The following CIT variants were observed in gnomAD, a reference collection of about 807,000 sequenced individuals.
CIT encodes the protein citron rho-interacting serine/threonine kinase.
Under a neutral mutation model 272.7 loss-of-function variants are expected in CIT, and 79 were observed. The observed-to-expected ratio is 0.29, with a 90% CI of 0.24 to 0.35. CIT has a LOEUF of 0.35. Among genes scored for constraint, CIT ranks in the 10% least tolerant of loss-of-function variants. CIT has a pLI of 1.00. For synonymous variants in CIT, 948 were observed against 995.6 expected, an observed-to-expected ratio of 0.95 and a Z score of 0.90; for missense variants, 1,909 against 2,618.3, an observed-to-expected ratio of 0.73 and a Z score of 5.91.
At chr12:119,800,225 A>G (rs901445883) in intron 10 of CIT, among the ~76,000 whole-genome samples, 1 of 152,160 alleles carries the variant, frequency 6.6e-6, no homozygotes, top group African/African-American at 2.4e-5. Context: ...GTTAAAAAGG[A>G]AAAGAAGCAT....
chr12:119,858,378 G>A (rs1343287009), intron 3 of CIT, among the ~76,000 whole-genome samples: 2 of 152,160 alleles, frequency 1.3e-5, no homozygotes, highest in East Asian at 3.9e-4. Flanking sequence ...TTAGCCAGGT[G>A]TTGTGGTGCA....
At chr12:119,760,247 A>G (rs906737891) in intron 20 of CIT, among the ~76,000 whole-genome samples, 15 of 152,068 alleles carry the variant, frequency 9.9e-5, no homozygotes, top group African/African-American at 3.6e-4. Context: ...AGTGCAGATA[A>G]ATAAGCACCA....
Position 119,688,252 on chromosome 12 carries a change from A to G in CIT, c.6190T>C (p.Trp2064Arg). ...RTPLSQVNKV[W>R]DQSSV ...GAGATTTATACTGAAGACTGGTCCC[A>G]GACCTAGGAGTGAAATAAGGAGGAG... is the stretch of plus-strand genomic sequence containing the variant. Residue 2064 changes from tryptophan to arginine, a missense_variant, in exon 48 of 48, where the codon TGG (tryptophan) becomes CGG (arginine). Physicochemically the swap from Trp to Arg is moderately radical, Grantham distance 101 (BLOSUM62 -3). Transcript: ENST00000392521. The G allele has an allele frequency of 6.2e-7, 1 of 1,603,936 alleles. No homozygotes were observed. Among genetic ancestry groups the G allele is most frequent in the African/African-American group, 1.4e-5 (1 of 69,352 alleles).
intron 28 of CIT, among the ~76,000 whole-genome samples, chr12:119,722,855 T>C (rs1445331300): frequency 1.3e-5 from 2 of 152,136 alleles, no homozygotes; most frequent in Admixed American, 6.5e-5. Flanking sequence ...CCCGTCTGCC[T>C]TTCCCTAACA....
In CIT at chr12:119,757,354, T is replaced by A. The variant is rs779123743; in HGVS notation, c.2706+17A>T. 19 of 1,613,014 alleles carry A rather than the reference T, an allele frequency of 1.2e-5. 1 individual carries two copies. In the Middle Eastern group the frequency reaches 5.4e-4, roughly 46 times the overall value. ...TCGCCCAGCAAATCCTCCCAGGAGA[T>A]GACTCCTCGCTCTCACCTCCCGCAA... On this transcript the variant is annotated intron_variant, in intron 22 of 47. Transcript: ENST00000392521.
At chr12:119,836,372 C>T (rs1969019066) in intron 5 of CIT, among the ~76,000 whole-genome samples, 1 of 151,202 alleles carries the variant, frequency 6.6e-6, no homozygotes, top group Non-Finnish European at 1.5e-5. Flanking sequence ...ACCTTCTTTC[C>T]CCCAAGTTCC....
At chr12:119,875,033 G>A (rs556749017) in intron 2 of CIT, among the ~76,000 whole-genome samples, 1 of 152,222 alleles carries the variant, frequency 6.6e-6, no homozygotes, top group Non-Finnish European at 1.5e-5. Flanking sequence ...CCTGGTACAG[G>A]GGCTTATGCC....
intron 23 of CIT, among the ~76,000 whole-genome samples, chr12:119,745,391 A>AC (rs1555231372): frequency 1.4e-5 from 2 of 145,400 alleles, no homozygotes; most frequent in African/African-American, 5.0e-5. Flanking sequence ...AAAAAAAAAA[A>AC]AAAAAAACAC....
chr12:119,820,584 T>C (rs1967616404), intron 9 of CIT, among the ~76,000 whole-genome samples: 3 of 151,966 alleles, frequency 2.0e-5, no homozygotes, highest in Admixed American at 6.6e-5. Context: ...AGAGTTAACG[T>C]TGGGGAAAAC....
At chr12:119,788,540 G>A (rs1965009075) in intron 10 of CIT, among the ~76,000 whole-genome samples, 1 of 152,142 alleles carries the variant, frequency 6.6e-6, no homozygotes, top group African/African-American at 2.4e-5. Flanking sequence ...CGATGACATG[G>A]GTGCATGATG....
Position 119,704,579 on chromosome 12 carries a change from G to T in CIT, c.5212-124C>A. On this transcript the variant is annotated intron_variant, in intron 40 of 47. Transcript: ENST00000392521. ...TCAGACCAGATCATTCTGTGTGGTGGGGGGAGGGCTGTCCTGGGCATCGCA... is the reference window on the plus strand; with the variant it reads ...TCAGACCAGATCATTCTGTGTGGTGTGGGGAGGGCTGTCCTGGGCATCGCA... The T allele has an allele frequency of 6.1e-6, 5 of 820,580 alleles. 1 individual carries two copies. Among genetic ancestry groups the T allele is most frequent in the Non-Finnish European group, 9.9e-6 (5 of 507,458 alleles). The allele number at this position is 820,580 out of a possible 1,614,324, so 50.8% of individuals were successfully genotyped here.
intron 12 of CIT, 178 bp downstream of exon 12, chr12:119,783,730 G>A (rs1313611304): frequency 3.1e-6 from 2 of 654,800 alleles, no homozygotes; most frequent in Non-Finnish European, 4.9e-6. Context: ...CATTTCTTGG[G>A]GACCTTACGC....
chr12:119,746,267 T>C lies in CIT; in HGVS notation c.2905-3803A>G, dbSNP rs78039149. On this transcript the variant is annotated intron_variant, in intron 23 of 47. Transcript: ENST00000392521. ...AAATTTCCTTAAAATTTCCAGAGTATCCAGTCTTGGTTAGAACTACTTAAC... is the reference window on the plus strand; with the variant it reads ...AAATTTCCTTAAAATTTCCAGAGTACCCAGTCTTGGTTAGAACTACTTAAC... Among the ~76,000 whole-genome samples, 1,243 of 152,278 alleles carry C rather than the reference T, an allele frequency of 8.2e-3. 14 individuals carry two copies. Among genetic ancestry groups the C allele is most frequent in the African/African-American group, 0.028 (1,154 of 41,562 alleles).
rs1214041632 is a variant in CIT, at chr12:119,784,631, C to T, written c.1401+329G>A. ...GACTAGGAAGAGAGACTTCGCATCA[C>T]TCAAAGCAGATGGGATGTATCTCAG... On this transcript the variant is annotated intron_variant, in intron 11 of 47. Transcript: ENST00000392521. This position sits in a 1 kb window ranked among gnomAD's most constrained non-coding sequence, Gnocchi z 4.7. The T allele has an allele frequency of 8.1e-7, 1 of 1,229,678 alleles. No homozygotes were observed. The highest frequency in any genetic ancestry group is 4.0e-5 in the Admixed American group (1 of 25,232). The allele number at this position is 1,229,678 out of a possible 1,614,324, so 76.2% of individuals were successfully genotyped here. A position where few individuals can be genotyped will look rare whatever the true frequency, so the allele number is the denominator to read the frequency against.
rs1465701956 is a variant in CIT, at chr12:119,704,396, G to A, written c.5271C>T (p.Tyr1757=). 9 of 1,613,880 alleles carry A rather than the reference G, an allele frequency of 5.6e-6. No homozygotes were observed. The highest frequency in any genetic ancestry group is 1.7e-5 in the Admixed American group (1 of 59,994). The part of the protein sequence containing the change: ...AMPSKVVILR[Y]NENLSKYCIR... The stretch of plus-strand genomic sequence containing the variant: ...TGCAGTATTTGCTGAGGTTTTCGTT[G>A]TAGCGGAGAATGACGACTTTGCTGG... The change falls in exon 41 of 48, where the codon TAC becomes TAT. Residue 1757 remains tyrosine (Y), a synonymous_variant. Transcript: ENST00000392521.
At chr12:119,803,461 G>A in intron 9 of CIT, 72 bp from the exon 10 acceptor site, 1 of 1,160,162 alleles carries the variant, frequency 8.6e-7, no homozygotes, top group Non-Finnish European at 1.2e-6. Context: ...CTGTTGCGGA[G>A]AAGATCGTCT....
Position 119,772,863 on chromosome 12 carries a change from G to A in CIT, c.1989C>T (p.Arg663=), listed in dbSNP as rs1436292841. 6.2e-7 allele frequency: 1 copy of A among 1,613,944 alleles called. No individual in the cohort carries two copies. Among genetic ancestry groups the A allele is most frequent in the African/African-American group, 1.3e-5 (1 of 74,902 alleles). Reference sequence around the variant, plus strand: ...CCCTCTCGGCTCGCTCCTTTGCCTGGCGGATATTCTGCAGCAGCTCGGTGG... The same window carrying A: ...CCCTCTCGGCTCGCTCCTTTGCCTGACGGATATTCTGCAGCAGCTCGGTGG... The part of the protein sequence containing the change: ...TEATELLQNI[R]QAKERAEREL... The change falls in exon 17 of 48, where the codon CGC becomes CGT. Residue 663 remains arginine (R), a synonymous_variant. Transcript: ENST00000392521.
At chr12:119,787,720 G>C (rs1296791427) in intron 10 of CIT, among the ~76,000 whole-genome samples, 1 of 95,628 alleles carries the variant, frequency 1.0e-5, no homozygotes. Context: ...AACAGAGTGA[G>C]ACTCCGTCTC....
chr12:119,777,114 G>A (rs569507306), intron 13 of CIT, among the ~76,000 whole-genome samples: 2 of 152,250 alleles, frequency 1.3e-5, no homozygotes, highest in African/African-American at 4.8e-5. Flanking sequence ...AATTAGCTGG[G>A]TGTGGTGGTG....
Sources: gnomAD v4.1 joint callset for allele counts (sites outside exome capture counted in the v4.1 genomes callset) on GRCh38, gnomAD v4.1.1 for gene constraint, Gnocchi (gnomAD v3.1) non-coding constraint, MANE v1.5 for transcripts, NCBI Gene and HGNC (gene_info 2026-07-23, HGNC 2026-07-21) for gene names.